The following ESYT2 variants were observed in gnomAD, a reference collection of about 807,000 sequenced individuals.
ESYT2 encodes the protein extended synaptotagmin 2, also known as extended synaptotagmin-2.
ESYT2 carries 54 observed loss-of-function variants against 107.2 expected under a neutral mutation model. That is an observed-to-expected ratio of 0.50 (90% CI 0.40 to 0.63). ESYT2 has a LOEUF of 0.63. Among genes scored for constraint, ESYT2 ranks in the 30% least tolerant of loss-of-function variants. The pLI is 0.00. For missense variants in ESYT2, 1,020 were observed against 1,094.5 expected, an observed-to-expected ratio of 0.93 and a Z score of 0.96; for synonymous variants, 491 against 434.1, an observed-to-expected ratio of 1.13 and a Z score of -1.63.
chr7:158,782,546 T>G (rs1488192157), intron 6 of ESYT2, among the ~76,000 whole-genome samples: 1 of 150,866 alleles, frequency 6.6e-6, no homozygotes, highest in Non-Finnish European at 1.5e-5. Context: ...AAAATGAGTG[T>G]GAGAAGCAGC....
At position 158,770,654 on chromosome 7, in the gene ESYT2, AC is replaced by A. The variant is rs1355031985; in HGVS notation, c.803+2686del. The stretch of plus-strand genomic sequence containing the variant: ...CTCAGCCTCCCGAGTAGCTGGGACT[AC>A]AGGCGCCTGCCACCATGCCCGGCTA... On this transcript the variant is annotated intron_variant, in intron 7 of 22. Transcript: ENST00000275418. Among the ~76,000 whole-genome samples the A allele has an allele frequency of 7.2e-5, 11 of 152,128 alleles. No individual in the cohort carries two copies. In the East Asian group the frequency reaches 2.1e-3, roughly 29 times the overall value.
rs575654430 is a variant in ESYT2, at chr7:158,744,534, A to T, written c.1645-856T>A. Among the ~76,000 whole-genome samples, 8 of 152,270 alleles carry T rather than the reference A, an allele frequency of 5.3e-5. 1 individual carries two copies. The highest frequency in any genetic ancestry group is 1.9e-4 in the East Asian group (1 of 5,184). ...AAAATTTACAGCAAGGCATTTAAAAATTTTTTAAAAAACAGAGGTGGATCT... is the reference window on the plus strand; with the variant it reads ...AAAATTTACAGCAAGGCATTTAAAATTTTTTTAAAAAACAGAGGTGGATCT... On this transcript the variant is annotated intron_variant, in intron 16 of 22. Coordinates refer to ENST00000275418, the MANE Select transcript of ESYT2 (RefSeq NM_001367773.1).
At chr7:158,775,989 A>G (rs1838547705) in intron 6 of ESYT2, among the ~76,000 whole-genome samples, 1 of 152,248 alleles carries the variant, frequency 6.6e-6, no homozygotes, top group African/African-American at 2.4e-5. Context: ...AGCAGGCAAG[A>G]AAACAGCATT....
chr7:158,785,174 G>A (rs1839065495), intron 6 of ESYT2, among the ~76,000 whole-genome samples: 2 of 152,142 alleles, frequency 1.3e-5, no homozygotes, highest in South Asian at 4.1e-4. Flanking sequence ...TGTAATCCCA[G>A]TACTCTGGGA....
intron 1 of ESYT2, 143 bp downstream of exon 1, chr7:158,828,946 G>A (rs4599756): frequency 0.19 from 251,635 of 1,357,084 alleles, 29,231 homozygotes; most frequent in East Asian, 0.55. Flanking sequence ...GGGTGGGTGG[G>A]GGACTACGAA....
chr7:158,786,647 G>GTTTT (rs1213798517), intron 6 of ESYT2, among the ~76,000 whole-genome samples: 1 of 152,068 alleles, frequency 6.6e-6, no homozygotes, highest in Non-Finnish European at 1.5e-5. Flanking sequence ...TAATTCTTTT[G>GTTTT]TTTTTATACA....
At chr7:158,746,513 A>G (rs897096162) in intron 16 of ESYT2, among the ~76,000 whole-genome samples, 8 of 143,574 alleles carry the variant, frequency 5.6e-5, no homozygotes, top group Non-Finnish European at 1.1e-4. Flanking sequence ...CTGCCTCAAG[A>G]AAAAAAAAAA....
chr7:158,779,308 C>T (rs1186594864), intron 6 of ESYT2, among the ~76,000 whole-genome samples: 1 of 152,156 alleles, frequency 6.6e-6, no homozygotes, highest in Non-Finnish European at 1.5e-5. Context: ...GAGTGTGAGG[C>T]TGTAGTAGTG....
chr7:158,823,468 A>G (rs949525471), intron 1 of ESYT2, among the ~76,000 whole-genome samples: 8 of 149,526 alleles, frequency 5.4e-5, no homozygotes, highest in African/African-American at 2.0e-4. Context: ...CTGGGACTAC[A>G]GGCGCACACC....
intron 4 of ESYT2, among the ~76,000 whole-genome samples, chr7:158,789,446 A>G (rs1349985309): frequency 6.6e-6 from 1 of 151,914 alleles, no homozygotes; most frequent in Non-Finnish European, 1.5e-5. Context: ...AACGGCCGCT[A>G]TCTGGGTTCA....
intron 3 of ESYT2, among the ~76,000 whole-genome samples, chr7:158,795,035 T>G (rs1482497471): frequency 6.6e-6 from 1 of 152,134 alleles, no homozygotes; most frequent in Non-Finnish European, 1.5e-5. Context: ...GTGCATCAGA[T>G]AACATACTCC....
At chr7:158,738,920 CAT>C (rs2129471223) in intron 19 of ESYT2, 101 bp downstream of exon 19, 2 of 1,183,172 alleles carry the variant, frequency 1.7e-6, no homozygotes, top group South Asian at 2.7e-5. Flanking sequence ...CTAAATGAAA[CAT>C]AAATGGATGT....
At chr7:158,814,382 C>T (rs1344306251) in intron 1 of ESYT2, among the ~76,000 whole-genome samples, 10 of 142,962 alleles carry the variant, frequency 7.0e-5, no homozygotes, top group African/African-American at 2.4e-4. Context: ...ATGACTCTCA[C>T]AGATCAAAAA....
chr7:158,824,542 A>T (rs753785495), intron 1 of ESYT2, among the ~76,000 whole-genome samples: 1 of 152,232 alleles, frequency 6.6e-6, no homozygotes, highest in Non-Finnish European at 1.5e-5. Flanking sequence ...TGAACTTCCC[A>T]GAAGGGCAAT....
chr7:158,770,629 C>G (rs1838331564), intron 7 of ESYT2, among the ~76,000 whole-genome samples: 1 of 152,024 alleles, frequency 6.6e-6, no homozygotes, highest in Non-Finnish European at 1.5e-5. Flanking sequence ...ATTCTCCTGC[C>G]TCAGCCTCCC....
chr7:158,829,029 G>T, intron 1 of ESYT2, 60 bp downstream of exon 1: 1 of 1,547,122 alleles, frequency 6.5e-7, no homozygotes, highest in Non-Finnish European at 8.6e-7. Context: ...GTGCCTGCCT[G>T]GACGAGGGGA....
intron 13 of ESYT2, among the ~76,000 whole-genome samples, chr7:158,757,469 C>G (rs71547569): frequency 6.6e-6 from 1 of 152,090 alleles, no homozygotes; most frequent in African/African-American, 2.4e-5. Context: ...AAGCAGAGAA[C>G]GGTGGATTGT....
In ESYT2 at chr7:158,743,606, C is replaced by G; in HGVS notation, c.1717G>C (p.Asp573His). Residue 573 changes from aspartate (D) to histidine (H), a missense_variant, in exon 17 of 23, where the codon GAC (aspartate) becomes CAC (histidine). Physicochemically the swap from Asp to His is moderately conservative, Grantham distance 81. Coordinates refer to ENST00000275418, the MANE Select transcript of ESYT2 (RefSeq NM_001367773.1). ...TGGAAGCGCTGGCTCACAGTCATGT[C>G]CTCACTGGTGAGCAGCTGGCTGAGG... ...VPLSQLLTSE[D>H]MTVSQRFQLS... The G allele has an allele frequency of 6.2e-7, 1 of 1,613,674 alleles. No individual in the cohort carries two copies.
intron 1 of ESYT2, among the ~76,000 whole-genome samples, chr7:158,806,317 A>G (rs1007012627): frequency 6.6e-6 from 1 of 152,258 alleles, no homozygotes; most frequent in Non-Finnish European, 1.5e-5. Flanking sequence ...TGATCCCAGC[A>G]TACCTTTCAT....
Sources: allele counts gnomAD v4.1 joint callset (sites outside exome capture counted in the v4.1 genomes callset), GRCh38; gene constraint gnomAD v4.1.1; transcripts MANE v1.5; gene names NCBI Gene and HGNC (gene_info 2026-07-23, HGNC 2026-07-21).